PTPRD: variants seen among roughly 807,000 people sequenced by gnomAD.
PTPRD encodes the protein protein tyrosine phosphatase receptor type D.
A neutral mutation model predicts 214.5 loss-of-function variants in PTPRD; 34 were observed. The observed-to-expected ratio is 0.16, with a 90% CI of 0.12 to 0.21. PTPRD has a LOEUF of 0.21. PTPRD is among the 10% of genes least tolerant of loss of function. The pLI is 1.00. For synonymous variants in PTPRD, 1,128 were observed against 845.7 expected (o/e 1.33, Z -5.79); for missense variants, 2,545 against 2,398.7 (o/e 1.06, Z -1.27).
chr9:10,351,949 G>T (rs1490153438), intron 2 of PTPRD, among the ~76,000 whole-genome samples: 1 of 151,948 alleles, frequency 6.6e-6, no homozygotes, highest in East Asian at 1.9e-4. Context: ...ACCGAGTTTT[G>T]AGTCAGTATT....
intron 3 of PTPRD, among the ~76,000 whole-genome samples, chr9:10,086,157 G>A (rs1040137368): frequency 6.6e-6 from 1 of 151,750 alleles, no homozygotes; most frequent in East Asian, 1.9e-4. Context: ...AAAAATGGGT[G>A]TATTTCATAG....
intron 14 of PTPRD, among the ~76,000 whole-genome samples, chr9:8,573,337 C>T (rs1179645289): frequency 6.6e-6 from 1 of 151,822 alleles, no homozygotes; most frequent in African/African-American, 2.4e-5. Context: ...ATATTTATTC[C>T]TGAAATGAAA....
intron 33 of PTPRD, among the ~76,000 whole-genome samples, chr9:8,450,543 G>C (rs1046084677): frequency 6.6e-6 from 1 of 152,192 alleles, no homozygotes; most frequent in African/African-American, 2.4e-5. Flanking sequence ...ATTTCACCTG[G>C]TGGGTAGATC....
intron 2 of PTPRD, among the ~76,000 whole-genome samples, chr9:10,400,196 A>G (rs2098246528): frequency 6.6e-6 from 1 of 151,790 alleles, no homozygotes; most frequent in South Asian, 2.1e-4. Flanking sequence ...TACTCTTCTC[A>G]TTTATAAAAG....
At chr9:8,357,851 C>G (rs773058889) in intron 39 of PTPRD, among the ~76,000 whole-genome samples, 25 of 152,150 alleles carry the variant, frequency 1.6e-4, no homozygotes, top group Admixed American at 4.6e-4. Flanking sequence ...TCAACATTTA[C>G]AAACCCTGAC....
At chr9:10,399,915 C>T (rs185108279) in intron 2 of PTPRD, among the ~76,000 whole-genome samples, 19 of 151,756 alleles carry the variant, frequency 1.3e-4, no homozygotes, top group South Asian at 4.2e-4. Flanking sequence ...AAGACTTGTG[C>T]GCCATTTTAA....
chr9:10,295,191 T>C (rs980582041), intron 3 of PTPRD, among the ~76,000 whole-genome samples: 3 of 152,108 alleles, frequency 2.0e-5, no homozygotes, highest in Admixed American at 6.6e-5. Context: ...TTTTGTGCTA[T>C]GTGCTCCTTT....
chr9:8,719,671 G>T (rs2098471483), intron 12 of PTPRD, among the ~76,000 whole-genome samples: 1 of 151,552 alleles, frequency 6.6e-6, no homozygotes, highest in Admixed American at 6.6e-5. Flanking sequence ...TTGTTACAGT[G>T]GCAGAGTTGA....
At chr9:10,462,079 G>C (rs2098963003) in intron 2 of PTPRD, among the ~76,000 whole-genome samples, 1 of 152,094 alleles carries the variant, frequency 6.6e-6, no homozygotes. Flanking sequence ...CACATTGAGA[G>C]ATTTAATGTA....
At chr9:10,418,162 A>G (rs949865174) in intron 2 of PTPRD, among the ~76,000 whole-genome samples, 4 of 151,862 alleles carry the variant, frequency 2.6e-5, no homozygotes, top group African/African-American at 9.7e-5. Context: ...GCATAATGGT[A>G]TAATTATAAA....
Position 8,670,568 on chromosome 9 carries a change from T to C in PTPRD, c.65-33724A>G, listed in dbSNP as rs114580751. On this transcript the variant is annotated intron_variant, in intron 12 of 45. Coordinates refer to ENST00000381196, the MANE Select transcript of PTPRD (RefSeq NM_002839.4). ...ACAACAGTAACCACTATGCTATCTA[T>C]ATGTTTCTATATATCTATAAGTATC... 3.7e-3 allele frequency among the ~76,000 whole-genome samples: 571 copies of C among 152,326 alleles called. 2 individuals are homozygous for C. The highest frequency in any genetic ancestry group is 0.013 in the African/African-American group (539 of 41,564).
intron 7 of PTPRD, among the ~76,000 whole-genome samples, chr9:9,708,867 A>C (rs895806672): frequency 1.3e-5 from 2 of 152,038 alleles, no homozygotes; most frequent in Non-Finnish European, 2.9e-5. Flanking sequence ...AATTTAAAAA[A>C]CACAATTTTT....
intron 35 of PTPRD, among the ~76,000 whole-genome samples, chr9:8,408,951 G>C (rs576811225): frequency 6.6e-5 from 10 of 152,118 alleles, no homozygotes; most frequent in Non-Finnish European, 1.5e-4. Flanking sequence ...CATTTATTTA[G>C]TCTTTAACTT....
At chr9:9,999,082 TA>T (rs1364882963) in intron 4 of PTPRD, among the ~76,000 whole-genome samples, 1 of 152,094 alleles carries the variant, frequency 6.6e-6, no homozygotes, top group East Asian at 1.9e-4. Context: ...TTAGCACAAC[TA>T]GCAAATGGCC....
chr9:10,247,760 A>G (rs1394258176), intron 3 of PTPRD, among the ~76,000 whole-genome samples: 1 of 152,080 alleles, frequency 6.6e-6, no homozygotes, highest in Non-Finnish European at 1.5e-5. Context: ...GTGGCAAGGG[A>G]GATAAGAGGA....
intron 9 of PTPRD, among the ~76,000 whole-genome samples, chr9:9,382,490 A>T (rs2062632013): frequency 6.6e-6 from 1 of 152,154 alleles, no homozygotes; most frequent in Admixed American, 6.6e-5. Context: ...CAAAAACACA[A>T]ATAACCCAAA....
At chr9:9,453,757 G>T (rs1225266888) in intron 8 of PTPRD, among the ~76,000 whole-genome samples, 3 of 151,598 alleles carry the variant, frequency 2.0e-5, no homozygotes, top group Non-Finnish European at 3.0e-5. Flanking sequence ...TGGATTTAAG[G>T]GAAAAGGAGG....
intron 3 of PTPRD, among the ~76,000 whole-genome samples, chr9:10,207,111 T>C (rs1227193289): frequency 6.6e-6 from 1 of 152,146 alleles, no homozygotes; most frequent in Non-Finnish European, 1.5e-5. Context: ...AAACAAGATA[T>C]AGAATATACC....
chr9:10,317,406 T>C (rs1271690563), intron 3 of PTPRD, among the ~76,000 whole-genome samples: 1 of 151,982 alleles, frequency 6.6e-6, no homozygotes, highest in Non-Finnish European at 1.5e-5. Context: ...CACATTTAGG[T>C]AAAATTTTCT....
Sources: allele counts gnomAD v4.1 joint callset (sites outside exome capture counted in the v4.1 genomes callset), GRCh38; gene constraint gnomAD v4.1.1; transcripts MANE v1.5; gene names NCBI Gene and HGNC (gene_info 2026-07-23, HGNC 2026-07-21).